Variants in NPC1 observed in about 807,000 individuals in gnomAD.
NPC1 encodes Niemann-Pick C1 protein.
Under a neutral mutation model 140.4 loss-of-function variants are expected in NPC1, and 85 were observed. The observed-to-expected ratio is 0.61, with a 90% CI of 0.51 to 0.72. The LOEUF (loss-of-function observed/expected upper bound fraction) is 0.72. NPC1 is among the 30% of genes least tolerant of loss of function. The pLI is 0.00. For missense variants in NPC1, 1,504 were observed against 1,623.8 expected, an observed-to-expected ratio of 0.93 and a Z score of 1.27; for synonymous variants, 656 against 624.8, an observed-to-expected ratio of 1.05 and a Z score of -0.74.
chr18:23,541,551 A>G (rs1259077724), intron 14 of NPC1, 118 bp from the exon 15 acceptor site: 1 of 1,328,912 alleles, frequency 7.5e-7, no homozygotes, highest in South Asian at 1.2e-5. Context: ...ACGCATGAGA[A>G]GGCATGCTGC....
chr18:23,525,553 T>C (rs892673146), downstream of NPC1, among the ~76,000 whole-genome samples: 3 of 152,172 alleles, frequency 2.0e-5, no homozygotes, highest in African/African-American at 4.8e-5. Context: ...GCCTCCCCAG[T>C]AGCTGGGATT....
chr18:23,555,950 T>G (rs114021368), intron 8 of NPC1, among the ~76,000 whole-genome samples: 1 of 152,320 alleles, frequency 6.6e-6, no homozygotes, highest in Admixed American at 6.5e-5. Context: ...CCTGCCTCAA[T>G]AGAGAAACGC....
At chr18:23,519,520 A>G (rs989425095), downstream of NPC1, among the ~76,000 whole-genome samples, 4 of 134,118 alleles carry the variant, frequency 3.0e-5, no homozygotes, top group Admixed American at 7.4e-5. Context: ...CCTGTCTCCG[A>G]AAAAAAAAAA....
intron 3 of NPC1, among the ~76,000 whole-genome samples, chr18:23,510,562 G>T (rs1210715203): frequency 6.6e-6 from 1 of 152,050 alleles, no homozygotes; most frequent in African/African-American, 2.4e-5. Flanking sequence ...CCAGGGAATT[G>T]CTTGAACCTG....
At chr18:23,555,134 C>A in intron 8 of NPC1, 150 bp from the exon 9 acceptor site, 1 of 695,226 alleles carries the variant, frequency 1.4e-6, no homozygotes, top group Non-Finnish European at 2.6e-6. Context: ...AGATGCAATA[C>A]AGTAAGAAAA....
chr18:23,542,434 T>C (rs1183010327), intron 14 of NPC1, among the ~76,000 whole-genome samples: 1 of 152,136 alleles, frequency 6.6e-6, no homozygotes, highest in Admixed American at 6.6e-5. Context: ...CCCAGCCATG[T>C]AGGCATTGCA....
At chr18:23,518,269 C>A (rs768779964), downstream of NPC1, among the ~76,000 whole-genome samples, 1 of 152,136 alleles carries the variant, frequency 6.6e-6, no homozygotes, top group Non-Finnish European at 1.5e-5. Flanking sequence ...GCAGGGGGAT[C>A]GCCTTGAGGC....
chr18:23,549,999 G>A (rs904068434), intron 10 of NPC1, among the ~76,000 whole-genome samples: 4 of 151,034 alleles, frequency 2.6e-5, no homozygotes, highest in African/African-American at 9.7e-5. Context: ...TGACTGCCAT[G>A]CATACTAATA....
downstream of NPC1, among the ~76,000 whole-genome samples, chr18:23,531,018 A>G (rs552374798): frequency 6.6e-6 from 1 of 152,004 alleles, no homozygotes; most frequent in East Asian, 1.9e-4. Context: ...TTTTTGAGAC[A>G]GAGTCTCGCT....
At chr18:23,562,712 G>A (rs1020351462) in intron 4 of NPC1, among the ~76,000 whole-genome samples, 1 of 151,808 alleles carries the variant, frequency 6.6e-6, no homozygotes, top group Non-Finnish European at 1.5e-5. Context: ...TTGGGCCAGG[G>A]GTGGTTATGC....
In NPC1 at chr18:23,539,376, C is replaced by A; in HGVS notation, c.2890G>T (p.Asp964Tyr). 1.2e-6 allele frequency: 2 copies of A among 1,613,308 alleles called. No homozygotes were observed. Among genetic ancestry groups the A allele is most frequent in the South Asian group, 2.2e-5 (2 of 90,946 alleles). Residue 964 changes from aspartate (D) to tyrosine (Y), a missense_variant, in exon 19 of 25, where the codon GAC becomes TAC. Transcript: ENST00000269228. Reference sequence around the variant, plus strand: ...GTACCTGAAGCATTGCAGAACTGGTCAGTGATATTGTCCACTCGACAGCAA... The same window carrying A: ...GTACCTGAAGCATTGCAGAACTGGTAAGTGATATTGTCCACTCGACAGCAA... Reference protein sequence around the residue: ...SSCCRVDNITDQFCNASVVDP... With the variant: ...SSCCRVDNITYQFCNASVVDP...
intron 14 of NPC1, among the ~76,000 whole-genome samples, chr18:23,543,236 G>T (rs1402961137): frequency 6.6e-6 from 1 of 151,324 alleles, no homozygotes; most frequent in East Asian, 2.0e-4. Context: ...GGCTGAGGCA[G>T]GAAAATCGCT....
chr18:23,561,429 T>C lies in NPC1; in HGVS notation c.562A>G (p.Asn188Asp), dbSNP rs1308495912. 3 of 1,614,210 alleles carry C rather than the reference T, an allele frequency of 1.9e-6. No individual in the cohort carries two copies. The highest frequency in any genetic ancestry group is 2.5e-6 in the Non-Finnish European group (3 of 1,180,032). Reference protein sequence around the residue: ...GKDADACNATNWIEYMFNKDN... With the variant: ...GKDADACNATDWIEYMFNKDN... ...TTATTGAACATGTATTCAATCCAGT[T>C]GGTGGCATTACAGGCGTCAGCGTCC... Residue 188 changes from asparagine (N) to aspartate (D), a missense_variant, in exon 5 of 25, where the codon AAC becomes GAC. Coordinates refer to ENST00000269228, the MANE Select transcript of NPC1 (RefSeq NM_000271.5).
chr18:23,518,809 T>C, downstream of NPC1: 1 of 1,268,644 alleles, frequency 7.9e-7, no homozygotes, highest in African/African-American at 1.5e-5. Context: ...TATCTTATAA[T>C]TTACTTAACC....
chr18:23,520,113 C>G, downstream of NPC1: 6 of 985,364 alleles, frequency 6.1e-6, no homozygotes, highest in Non-Finnish European at 9.6e-6. Flanking sequence ...GGCTTTTAAA[C>G]TGATTTAAAC....
chr18:23,519,411 G>C (rs2058089038), downstream of NPC1, among the ~76,000 whole-genome samples: 1 of 152,120 alleles, frequency 6.6e-6, no homozygotes, highest in Non-Finnish European at 1.5e-5. Flanking sequence ...CCAGCTACTT[G>C]TGGGGCTAAG....
At chr18:23,528,106 G>A, downstream of NPC1, 4 of 507,768 alleles carry the variant, frequency 7.9e-6, no homozygotes, top group Non-Finnish European at 1.4e-5. Context: ...GCTGGCGGCT[G>A]CATCTCACTT....
At chr18:23,561,548 GA>G (rs769530401) in intron 4 of NPC1, 21 bp from the exon 5 acceptor site, 29 of 1,612,414 alleles carry the variant, frequency 1.8e-5, no homozygotes, top group Non-Finnish European at 2.3e-5. Context: ...AAACCCAAAG[GA>G]AAAAGGAGAC....
chr18:23,574,835 C>T (rs771515098), intron 1 of NPC1, among the ~76,000 whole-genome samples: 2 of 152,180 alleles, frequency 1.3e-5, no homozygotes, highest in Non-Finnish European at 2.9e-5. Flanking sequence ...GATTCCACCA[C>T]TATTTTTATA....
Sources: gnomAD v4.1 joint callset for allele counts (sites outside exome capture counted in the v4.1 genomes callset) on GRCh38, gnomAD v4.1.1 for gene constraint, MANE v1.5 for transcripts, NCBI Gene and HGNC (gene_info 2026-07-23, HGNC 2026-07-21) for gene names.